The following STXBP6 variants were observed in gnomAD, a reference collection of about 807,000 sequenced individuals.
The protein encoded by STXBP6 is syntaxin binding protein 6.
A neutral mutation model predicts 26.9 loss-of-function variants in STXBP6; 21 were observed. The ratio of observed to expected loss-of-function variants is 0.78; its 90% CI spans 0.55 to 1.12. The LOEUF (loss-of-function observed/expected upper bound fraction) is 1.12, where lower values mean the gene tolerates loss of function less well. Ranked by LOEUF, STXBP6 falls within the 50% of genes most tolerant of loss-of-function variation. The pLI is 0.00. For synonymous variants in STXBP6, 97 were observed against 92.6 expected (o/e 1.05, Z -0.27); for missense variants, 232 against 257.9 (o/e 0.90, Z 0.69).
intron 2 of STXBP6, among the ~76,000 whole-genome samples, chr14:24,860,205 C>T (rs980683593): frequency 6.6e-6 from 1 of 152,134 alleles, no homozygotes; most frequent in Non-Finnish European, 1.5e-5. Flanking sequence ...ACTTGCTATA[C>T]TCAAAGGGTG....
At chr14:24,946,093 C>T (rs1343112307) in intron 2 of STXBP6, among the ~76,000 whole-genome samples, 2 of 152,180 alleles carry the variant, frequency 1.3e-5, no homozygotes, top group African/African-American at 2.4e-5. Flanking sequence ...GGAACATAAA[C>T]TCAACTATTC....
chr14:24,837,268 T>C (rs2068646750), intron 4 of STXBP6, among the ~76,000 whole-genome samples: 2 of 152,186 alleles, frequency 1.3e-5, no homozygotes, highest in South Asian at 4.1e-4. Context: ...GTAAGAACTA[T>C]GCAAACTTAA....
intron 2 of STXBP6, among the ~76,000 whole-genome samples, chr14:24,936,595 T>C (rs557940606): frequency 6.6e-6 from 1 of 152,360 alleles, no homozygotes; most frequent in Admixed American, 6.5e-5. Flanking sequence ...GGCACTATTA[T>C]TTGTGTAACA....
At chr14:24,970,513 C>A (rs1491001467) in intron 2 of STXBP6, among the ~76,000 whole-genome samples, 4 of 151,932 alleles carry the variant, frequency 2.6e-5, no homozygotes, top group Non-Finnish European at 4.4e-5. Context: ...TTTTTTCACA[C>A]AACATGCTTT....
intron 2 of STXBP6, among the ~76,000 whole-genome samples, chr14:24,947,702 A>G (rs1186788115): frequency 2.0e-5 from 3 of 152,172 alleles, no homozygotes; most frequent in African/African-American, 7.2e-5. Flanking sequence ...CAGTGATTGG[A>G]TAAGAATGTG....
chr14:25,016,215 A>C (rs2075144166), intron 1 of STXBP6, among the ~76,000 whole-genome samples: 1 of 152,166 alleles, frequency 6.6e-6, no homozygotes. Context: ...TTTTCACCCA[A>C]GGAAAAAAAG....
At chr14:24,856,244 A>T (rs1366238322) in intron 3 of STXBP6, 143 bp from the exon 4 acceptor site, 2 of 797,152 alleles carry the variant, frequency 2.5e-6, no homozygotes, top group Non-Finnish European at 3.6e-6. Context: ...GTGTATGGAG[A>T]GTCTACATTT....
At chr14:25,035,742 T>C (rs188663438) in intron 1 of STXBP6, among the ~76,000 whole-genome samples, 2 of 152,256 alleles carry the variant, frequency 1.3e-5, no homozygotes, top group Admixed American at 6.5e-5. Flanking sequence ...CAAAATAAAA[T>C]TATAATCTGT....
intron 2 of STXBP6, among the ~76,000 whole-genome samples, chr14:24,951,397 C>T (rs1475341339): frequency 2.8e-5 from 1 of 35,474 alleles, no homozygotes; most frequent in Non-Finnish European, 6.0e-5. Context: ...CCTCTCCGGA[C>T]TTTTTAATGA....
intron 4 of STXBP6, among the ~76,000 whole-genome samples, chr14:24,837,746 T>G (rs2068661393): frequency 6.6e-6 from 1 of 152,202 alleles, no homozygotes; most frequent in Admixed American, 6.5e-5. Context: ...ATACTACTAT[T>G]AATTAAAAGG....
intron 4 of STXBP6, among the ~76,000 whole-genome samples, chr14:24,836,324 T>A (rs1415540604): frequency 2.0e-5 from 3 of 152,094 alleles, no homozygotes; most frequent in South Asian, 4.1e-4. Context: ...AGACTGTGCG[T>A]GATGGCTCAC....
At chr14:25,042,190 C>T (rs2140508715) in intron 1 of STXBP6, among the ~76,000 whole-genome samples, 1 of 152,330 alleles carries the variant, frequency 6.6e-6, no homozygotes, top group Admixed American at 6.5e-5. Context: ...GCCACCAACT[C>T]ACCTTGGGTA....
intron 2 of STXBP6, among the ~76,000 whole-genome samples, chr14:24,949,506 G>T (rs2073095252): frequency 6.6e-6 from 1 of 152,084 alleles, no homozygotes; most frequent in African/African-American, 2.4e-5. Context: ...AAGGAATCAT[G>T]GCAAACCATG....
At chr14:25,000,740 C>T (rs1281376102) in intron 1 of STXBP6, among the ~76,000 whole-genome samples, 1 of 150,790 alleles carries the variant, frequency 6.6e-6, no homozygotes, top group Admixed American at 6.6e-5. Flanking sequence ...ACAAGACCCC[C>T]ATTCCAGAGA....
At chr14:24,934,020 G>A (rs1196628463) in intron 2 of STXBP6, among the ~76,000 whole-genome samples, 1 of 151,996 alleles carries the variant, frequency 6.6e-6, no homozygotes, top group Non-Finnish European at 1.5e-5. Flanking sequence ...GAATGTAGGG[G>A]CAGAAAATAC....
chr14:24,955,489 A>T (rs1216959734), intron 2 of STXBP6, among the ~76,000 whole-genome samples: 2 of 152,190 alleles, frequency 1.3e-5, no homozygotes, highest in Non-Finnish European at 2.9e-5. Flanking sequence ...CTTCCTTTGG[A>T]TAAGGACAGA....
chr14:24,829,376 A>G (rs2068386531), intron 4 of STXBP6, among the ~76,000 whole-genome samples: 1 of 152,226 alleles, frequency 6.6e-6, no homozygotes, highest in South Asian at 2.1e-4. Flanking sequence ...TGTTTCATAA[A>G]CAATGTTTAT....
chr14:24,877,914 A>T (rs949896542), intron 2 of STXBP6, among the ~76,000 whole-genome samples: 2 of 152,176 alleles, frequency 1.3e-5, no homozygotes, highest in African/African-American at 4.8e-5. Flanking sequence ...ATGCCAAAAC[A>T]GTGTGTAGTC....
chr14:24,882,722 T>C (rs1013653825), intron 2 of STXBP6, among the ~76,000 whole-genome samples: 2 of 152,204 alleles, frequency 1.3e-5, no homozygotes, highest in African/African-American at 2.4e-5. Context: ...ACTAAATTCA[T>C]TGATAGATAG....
Sources: gnomAD v4.1 joint callset for allele counts (sites outside exome capture counted in the v4.1 genomes callset) on GRCh38, gnomAD v4.1.1 for gene constraint, MANE v1.5 for transcripts, NCBI Gene and HGNC (gene_info 2026-07-23, HGNC 2026-07-21) for gene names.